CRYBG2: variants seen among roughly 807,000 people sequenced by gnomAD.
CRYBG2 encodes beta/gamma crystallin domain-containing protein 2.
Under a neutral mutation model 153.4 loss-of-function variants are expected in CRYBG2, and 106 were observed. That is an observed-to-expected ratio of 0.69 (90% CI 0.59 to 0.81). CRYBG2 has a LOEUF of 0.81. Ranked by LOEUF, CRYBG2 falls within the 30% of genes least tolerant of loss-of-function variation. The pLI is 0.00. For synonymous variants in CRYBG2, 851 were observed against 877.8 expected, an observed-to-expected ratio of 0.97 and a Z score of 0.54; for missense variants, 1,996 against 2,112.0, an observed-to-expected ratio of 0.95 and a Z score of 1.08.
chr1:26,321,877 T>C lies in CRYBG2; in HGVS notation c.*91A>G, dbSNP rs1293550689. On this transcript the variant is annotated 3_prime_UTR_variant, in exon 20 of 20. Coordinates refer to ENST00000308182, the MANE Select transcript of CRYBG2 (RefSeq NM_001039775.4). ...ACAGAGACAAGGGTACCTGGCAGCA[T>C]ATTAGAAAATAGCTTATGTTACAAC... 2 of 1,127,808 alleles carry C rather than the reference T, an allele frequency of 1.8e-6. No individual in the cohort carries two copies. The highest frequency in any genetic ancestry group is 2.5e-6 in the Non-Finnish European group (2 of 810,926). The allele number at this position is 1,127,808 out of a possible 1,614,324, so 69.9% of individuals were successfully genotyped here.
chr1:26,344,957 C>G lies in CRYBG2; in HGVS notation c.1701G>C (p.Gln567His). 1 of 1,535,570 alleles carries G rather than the reference C, an allele frequency of 6.5e-7. No individual in the cohort carries two copies. Among genetic ancestry groups the G allele is most frequent in the South Asian group, 1.2e-5 (1 of 84,010 alleles). ...ACAAGGCAGCAGGAGCACCAGACCC[C>G]TGCACCACCTCCTTCTGGGTGGGGG... is the stretch of plus-strand genomic sequence containing the variant. Reference protein sequence around the residue: ...ASSPTQKEVVQGSGAPAALST... With the variant: ...ASSPTQKEVVHGSGAPAALST... The change falls in exon 2 of 20, where the codon CAG (glutamine) becomes CAC (histidine). Residue 567 changes from glutamine (Q) to histidine (H), a missense_variant. Physicochemically the swap from Gln to His is conservative, Grantham distance 24. Coordinates refer to ENST00000308182, the MANE Select transcript of CRYBG2 (RefSeq NM_001039775.4).
rs2074215606 is a variant in CRYBG2 at position 26,346,105 on chromosome 1, C to G, written c.553G>C (p.Gly185Arg). 1.9e-6 allele frequency: 3 copies of G among 1,572,536 alleles called. No homozygotes were observed. Among genetic ancestry groups the G allele is most frequent in the Non-Finnish European group, 2.6e-6 (3 of 1,163,430 alleles). The change falls in exon 2 of 20, where the codon GGA (glycine) becomes CGA (arginine). Residue 185 changes from glycine (G) to arginine (R), a missense_variant. Gly to Arg is a moderately radical substitution (Grantham distance 125). Transcript: ENST00000308182. The surrounding 1 kb of genome is among the most constrained non-coding windows in gnomAD (Gnocchi z 4.9). ...CTCATCCGCCGGTCCACATGACCTC[C>G]CACCACTGTGGTGGTCCGCACAGTG... Reference protein sequence around the residue: ...TRTVRTTTVVGGHVDRRMSSS... With the variant: ...TRTVRTTTVVRGHVDRRMSSS...
Position 26,337,282 on chromosome 1 carries a change from A to G in CRYBG2, c.3742T>C (p.Leu1248=), listed in dbSNP as rs763508312. The change falls in exon 10 of 20, where the codon TTG becomes CTG. Residue 1248 remains leucine (L), a synonymous_variant. Coordinates refer to ENST00000308182, the MANE Select transcript of CRYBG2 (RefSeq NM_001039775.4). ...DWSHWGGYDE[L]LTSLRVIRTD... is the part of the protein sequence containing the mutation. ...CGGATGACCCGGAGGGAGGTCAGCA[A>G]CTCGTCATAGCCTCCCCAGTGTGAC... 6 of 1,613,586 alleles carry G rather than the reference A, an allele frequency of 3.7e-6. No individual in the cohort carries two copies. The Admixed American group carries it at 8.3e-5, about 22-fold the overall frequency.
intron 17 of CRYBG2, among the ~76,000 whole-genome samples, 194 bp from the exon 18 acceptor site, chr1:26,324,504 TCACACACACA>T (rs10611174): frequency 1.0e-4 from 13 of 126,584 alleles, no homozygotes; most frequent in South Asian, 2.5e-4. Context: ...TCTCTCTCTC[TCACACACACA>T]CACACACACA....
At position 26,348,550 on chromosome 1, in the gene CRYBG2, TA is replaced by T. The variant is rs375271342; in HGVS notation, c.-55-1839del. On this transcript the variant is annotated intron_variant, in intron 1 of 19. Coordinates refer to ENST00000308182, the MANE Select transcript of CRYBG2 (RefSeq NM_001039775.4). ...CTGAGTGACAGAGAGATCTTATCGC[TA>T]AGAAAAGTTATCATTATTTTTTGAG... Among the ~76,000 whole-genome samples the T allele has an allele frequency of 2.1e-3, 318 of 152,208 alleles. 1 individual carries two copies. Among genetic ancestry groups the T allele is most frequent in the African/African-American group, 6.2e-3 (257 of 41,550 alleles).
At position 26,342,875 on chromosome 1, in the gene CRYBG2, A is replaced by G; in HGVS notation, c.3083T>C (p.Leu1028Pro). ...ACCCCGGAACTCTGGCTCTTCGTAC[A>G]GCACCCAGCTGTGGGCACAGAGATT... The part of the protein sequence containing the change: ...SIRVVRGCWV[L>P]YEEPEFRGQK... The change falls in exon 5 of 20, where the codon CTG becomes CCG. Residue 1028 changes from leucine to proline, a missense_variant. Leu to Pro is a moderately conservative substitution (Grantham distance 98). Transcript: ENST00000308182. 1.9e-6 allele frequency: 3 copies of G among 1,614,088 alleles called. No homozygotes were observed. The highest frequency in any genetic ancestry group is 2.2e-5 in the South Asian group (2 of 91,074).
In CRYBG2 at chr1:26,336,593, G is replaced by A. The variant is rs771117043; in HGVS notation, c.4038+13C>T. The A allele has an allele frequency of 1.9e-6, 3 of 1,545,444 alleles. No homozygotes were observed. The highest frequency in any genetic ancestry group is 2.5e-5 in the East Asian group (1 of 40,464). ...CCACCGGGGAGGCCCCGCCCCCCGCGGCCGGCACGCACCTGTAGGACCGGC... is the reference window on the plus strand; with the variant it reads ...CCACCGGGGAGGCCCCGCCCCCCGCAGCCGGCACGCACCTGTAGGACCGGC... On this transcript the variant is annotated intron_variant, in intron 12 of 19. Transcript: ENST00000308182. The surrounding 1 kb of genome is among the most constrained non-coding windows in gnomAD (Gnocchi z 4.9).
At chr1:26,323,308 T>C (rs1002794997) in intron 18 of CRYBG2, among the ~76,000 whole-genome samples, 17 of 152,166 alleles carry the variant, frequency 1.1e-4, no homozygotes, top group Non-Finnish European at 2.9e-5. Context: ...CTTGAATTCC[T>C]GAGCTCAAGA....
In CRYBG2 at chr1:26,336,275, G is replaced by A. The variant is rs997303401; in HGVS notation, c.4071+63C>T. 12 of 1,603,940 alleles carry A rather than the reference G, an allele frequency of 7.5e-6. No individual in the cohort carries two copies. The African/African-American group carries it at 1.3e-4, about 18-fold the overall frequency. The stretch of plus-strand genomic sequence containing the variant: ...GTGGGGCCGAGAACAGCGGGGAGGG[G>A]AAAGGTCCGAAATGAGGGGAGAGAC... On this transcript the variant is annotated intron_variant, in intron 13 of 19. Coordinates refer to ENST00000308182, the MANE Select transcript of CRYBG2 (RefSeq NM_001039775.4). The surrounding 1 kb of genome is among the most constrained non-coding windows in gnomAD (Gnocchi z 4.9).
chr1:26,337,791 T>C, intron 8 of CRYBG2, 117 bp from the exon 9 acceptor site: 1 of 1,420,476 alleles, frequency 7.0e-7, no homozygotes, highest in Non-Finnish European at 9.5e-7. Flanking sequence ...ACCTCCTTGC[T>C]GAACTCCATC....
chr1:26,342,351 T>C (rs968260214), intron 5 of CRYBG2, among the ~76,000 whole-genome samples: 3 of 152,116 alleles, frequency 2.0e-5, no homozygotes, highest in African/African-American at 7.2e-5. Flanking sequence ...GTCAAGAATC[T>C]ATGGACCAGT....
Position 26,328,231 on chromosome 1 carries a change from C to T in CRYBG2, c.4556G>A (p.Gly1519Asp), listed in dbSNP as rs1178455610. The T allele has an allele frequency of 6.4e-7, 1 of 1,565,082 alleles. No homozygotes were observed. Among genetic ancestry groups the T allele is most frequent in the Non-Finnish European group, 8.7e-7 (1 of 1,154,844 alleles). Reference sequence around the variant, plus strand: ...CACCTGCTTGATGGGGTAGAGGGAGCCCACCCTCTGGGTGCCGCTGTAGGT... The same window carrying T: ...CACCTGCTTGATGGGGTAGAGGGAGTCCACCCTCTGGGTGCCGCTGTAGGT... ...WLTYSGTQRV[G>D]SLYPIKQRRV... Residue 1519 changes from glycine to aspartate, a missense_variant, in exon 17 of 20, where the codon GGC (glycine) becomes GAC (aspartate). Transcript: ENST00000308182.
At position 26,354,063 on chromosome 1, in the gene CRYBG2, A is replaced by C. The variant is rs1482957382; in HGVS notation, c.-83T>G. ...CTACTCACAGTCTGCGTGGGGACCCAGGTGTCCAGCCAGCCTGGAGCTCCT... is the reference window on the plus strand; with the variant it reads ...CTACTCACAGTCTGCGTGGGGACCCCGGTGTCCAGCCAGCCTGGAGCTCCT... On this transcript the variant is annotated 5_prime_UTR_variant, in exon 1 of 20. Transcript: ENST00000308182. 2.5e-6 allele frequency: 1 copy of C among 399,366 alleles called. No individual in the cohort carries two copies. 24.7% of individuals were successfully genotyped at this position (399,366 alleles called of 1,614,324 possible). A position where few individuals can be genotyped will look rare whatever the true frequency, so the allele number is the denominator to read the frequency against.
Position 26,340,309 on chromosome 1 carries a change from T to C in CRYBG2, c.3205-880A>G, listed in dbSNP as rs180876082. Among the ~76,000 whole-genome samples, 11 of 152,312 alleles carry C rather than the reference T, an allele frequency of 7.2e-5. No homozygotes were observed. In the East Asian group the frequency reaches 2.1e-3, roughly 29 times the overall value. Reference sequence around the variant, plus strand: ...CTCATTTAGTCCTCCCAGTGGGCATTATTCATCCAGTCACAGGTAAGGAAA... The same window carrying C: ...CTCATTTAGTCCTCCCAGTGGGCATCATTCATCCAGTCACAGGTAAGGAAA... On this transcript the variant is annotated intron_variant, in intron 5 of 19. Coordinates refer to ENST00000308182, the MANE Select transcript of CRYBG2 (RefSeq NM_001039775.4).
chr1:26,353,736 A>C (rs1213479395), intron 1 of CRYBG2, among the ~76,000 whole-genome samples: 1 of 152,122 alleles, frequency 6.6e-6, no homozygotes, highest in Non-Finnish European at 1.5e-5. Flanking sequence ...GGCCTCCTGA[A>C]CAGAACTGGG....
At chr1:26,342,614 G>T (rs534021019) in intron 5 of CRYBG2, 140 bp downstream of exon 5, 3 of 1,253,698 alleles carry the variant, frequency 2.4e-6, no homozygotes, top group East Asian at 2.4e-5. Context: ...GGCCAGGCTG[G>T]TCTCCAACTC....
chr1:26,349,384 T>G (rs2074262794), intron 1 of CRYBG2, among the ~76,000 whole-genome samples: 1 of 152,000 alleles, frequency 6.6e-6, no homozygotes, highest in Non-Finnish European at 1.5e-5. Flanking sequence ...ATCTTCTGAT[T>G]TCACATCCAG....
Position 26,345,583 on chromosome 1 carries a change from T to C in CRYBG2, c.1075A>G (p.Thr359Ala), listed in dbSNP as rs116950975. ...ASVPSSPRLETHVPSPGLTHP... is the reference protein window; with the variant it reads ...ASVPSSPRLEAHVPSPGLTHP... ...GTTAGGCCAGGAGAGGGGACATGGG[T>C]CTCGAGTCTGGGAGAGGAGGGGACT... The change falls in exon 2 of 20, where the codon ACC becomes GCC. Residue 359 changes from threonine to alanine, a missense_variant. Coordinates refer to ENST00000308182, the MANE Select transcript of CRYBG2 (RefSeq NM_001039775.4). The C allele has an allele frequency of 1.5e-3, 2,464 of 1,603,220 alleles. 63 individuals carry two copies. In the East Asian group the frequency reaches 0.049, roughly 32 times the overall value.
At position 26,325,868 on chromosome 1, in the gene CRYBG2, G is replaced by A. The variant is rs1002116913; in HGVS notation, c.4579-1558C>T. On this transcript the variant is annotated intron_variant, in intron 17 of 19. Transcript: ENST00000308182. This position sits in a 1 kb window ranked among gnomAD's most constrained non-coding sequence, Gnocchi z 4.1. ...AAGTGAGGTATGCTTACTACCAGTGGGTGGTCCATGAGATCACTTTCAGTC... is the reference window on the plus strand; with the variant it reads ...AAGTGAGGTATGCTTACTACCAGTGAGTGGTCCATGAGATCACTTTCAGTC... Among the ~76,000 whole-genome samples the A allele has an allele frequency of 6.6e-6, 1 of 152,114 alleles. No individual in the cohort carries two copies. The highest frequency in any genetic ancestry group is 2.4e-5 in the African/African-American group (1 of 41,396).
Sources: allele counts gnomAD v4.1 joint callset (sites outside exome capture counted in the v4.1 genomes callset), GRCh38; gene constraint gnomAD v4.1.1; non-coding constraint Gnocchi (gnomAD v3.1); transcripts MANE v1.5; gene names NCBI Gene and HGNC (gene_info 2026-07-23, HGNC 2026-07-21).